MED23: variants seen among roughly 807,000 people sequenced by gnomAD.
The protein encoded by MED23 is mediator complex subunit 23.
Under a neutral mutation model 163.9 loss-of-function variants are expected in MED23, and 105 were observed. That is an observed-to-expected ratio of 0.64 (90% CI 0.55 to 0.75). The LOEUF (loss-of-function observed/expected upper bound fraction) is 0.75, where lower values mean the gene tolerates loss of function less well. MED23 is among the 30% of genes least tolerant of loss of function. The pLI, the probability that MED23 is intolerant of heterozygous loss-of-function variation, is 0.00. For missense variants in MED23, 1,054 were observed against 1,649.0 expected (o/e 0.64, Z 6.25); for synonymous variants, 561 against 565.6 (o/e 0.99, Z 0.12).
At chr6:131,576,621 G>A (rs775853882) in intron 30 of MED23, 2 of 1,554,776 alleles carry the variant, frequency 1.3e-6, no homozygotes, top group African/African-American at 2.7e-5. Flanking sequence ...GCATCTGATG[G>A]TCATGATAAT....
intron 7 of MED23, 142 bp downstream of exon 7, chr6:131,620,486 G>A (rs1425032451): frequency 2.5e-5 from 17 of 670,126 alleles, no homozygotes; most frequent in Non-Finnish European, 4.1e-5. Flanking sequence ...GTTTTGCAGA[G>A]ACAGAGTCTT....
At chr6:131,603,266 A>C in intron 15 of MED23, 62 bp from the exon 16 acceptor site, 1 of 1,512,846 alleles carries the variant, frequency 6.6e-7, no homozygotes, top group East Asian at 2.3e-5. Flanking sequence ...AAGATATTTG[A>C]AGAAAGTCAC....
chr6:131,619,982 T>C (rs1164563149), intron 7 of MED23, 86 bp from the exon 8 acceptor site: 2 of 820,978 alleles, frequency 2.4e-6, no homozygotes, highest in South Asian at 1.4e-5. Flanking sequence ...AACATTTATA[T>C]AAAATGAGAT....
At chr6:131,605,192 C>A (rs1208429646) in intron 14 of MED23, 48 bp downstream of exon 14, 1 of 1,589,760 alleles carries the variant, frequency 6.3e-7, no homozygotes, top group Admixed American at 1.7e-5. Flanking sequence ...TTATACTATA[C>A]TCGTATCAAT....
At chr6:131,591,129 C>T (rs1194932299) in intron 26 of MED23, among the ~76,000 whole-genome samples, 184 bp downstream of exon 26, 9 of 150,366 alleles carry the variant, frequency 6.0e-5, no homozygotes, top group African/African-American at 2.2e-4. Flanking sequence ...TACAGGCACA[C>T]ACCACATGCC....
intron 10 of MED23, chr6:131,615,656 G>C (rs1183701929): frequency 3.4e-6 from 2 of 584,970 alleles, no homozygotes; most frequent in Non-Finnish European, 6.0e-6. Flanking sequence ...AGGTATACTT[G>C]AAACTGGCCT....
intron 28 of MED23, among the ~76,000 whole-genome samples, chr6:131,588,297 TTATC>T (rs1341553553): frequency 6.6e-6 from 1 of 152,228 alleles, no homozygotes; most frequent in Non-Finnish European, 1.5e-5. Context: ...TTTGCAACAT[TTATC>T]TATAAAACTA....
intron 3 of MED23, 88 bp from the exon 4 acceptor site, chr6:131,625,077 A>ACTAT: frequency 7.3e-7 from 1 of 1,377,762 alleles, no homozygotes; most frequent in South Asian, 1.2e-5. Context: ...GTATACCAAT[A>ACTAT]CTATGAAAGA....
chr6:131,622,039 C>T (rs890409368), intron 5 of MED23, 60 bp from the exon 6 acceptor site: 35 of 1,258,878 alleles, frequency 2.8e-5, no homozygotes, highest in African/African-American at 1.0e-4. Flanking sequence ...TTAGCTAAAA[C>T]GTCCGAAGGT....
intron 17 of MED23, among the ~76,000 whole-genome samples, chr6:131,600,872 T>A (rs935892167): frequency 6.6e-6 from 1 of 152,200 alleles, no homozygotes; most frequent in African/African-American, 2.4e-5. Context: ...CTCCAGCACA[T>A]GCACTCAGTG....
chr6:131,580,402 G>A (rs767960449), intron 30 of MED23, among the ~76,000 whole-genome samples: 3 of 152,136 alleles, frequency 2.0e-5, no homozygotes, highest in East Asian at 1.9e-4. Context: ...CTTCCACTTC[G>A]AGAATCTAAA....
At chr6:131,583,187 C>T, downstream of MED23, 3 of 1,604,838 alleles carry the variant, frequency 1.9e-6, no homozygotes, top group Non-Finnish European at 2.6e-6. Flanking sequence ...TGTGTGTGCA[C>T]ACATGTGTGT....
Position 131,577,891 on chromosome 6 carries a change from G to A in MED23, c.4096-3596C>T, listed in dbSNP as rs182374446. On this transcript the variant is annotated intron_variant, in intron 30 of 30. Coordinates refer to the MED23 transcript ENST00000354577. The stretch of plus-strand genomic sequence containing the variant: ...TGCACCCCAACCTGGGCGACAGAGC[G>A]AGACTCCATCTCCAAAAAAAAAAAA... Among the ~76,000 whole-genome samples the A allele has an allele frequency of 3.7e-3, 542 of 145,390 alleles. 4 individuals are homozygous for A. Among genetic ancestry groups the A allele is most frequent in the Middle Eastern group, 0.014 (4 of 286 alleles).
intron 28 of MED23, 118 bp from the exon 29 acceptor site, chr6:131,587,964 G>A (rs1291036570): frequency 2.4e-6 from 2 of 834,734 alleles, no homozygotes; most frequent in South Asian, 1.5e-5. Flanking sequence ...TGGGGTAGAT[G>A]AGAAGTTTCT....
chr6:131,614,036 T>A (rs1776472149), intron 10 of MED23, among the ~76,000 whole-genome samples: 1 of 152,148 alleles, frequency 6.6e-6, no homozygotes, highest in Non-Finnish European at 1.5e-5. Flanking sequence ...AAACATAGCA[T>A]GAAGCATTCT....
chr6:131,594,190 A>C lies in MED23; in HGVS notation c.3141T>G (p.Thr1047=), dbSNP rs1774866628. The part of the protein sequence containing the change: ...NRPQGWCLSD[T]YLKCAMNARE... ...GTGCATTCATAGCGCATTTCAGGTA[A>C]GTGTCACTTAGACACCAGCCCTGCG... The change falls in exon 23 of 29, where the codon ACT becomes ACG. Residue 1047 remains threonine (T), a synonymous_variant. Transcript: ENST00000368068. 1 of 1,614,074 alleles carries C rather than the reference A, an allele frequency of 6.2e-7. No homozygotes were observed.
At chr6:131,615,362 C>T in intron 10 of MED23, 1 of 1,606,438 alleles carries the variant, frequency 6.2e-7, no homozygotes, top group South Asian at 1.1e-5. Flanking sequence ...GGAGGATGGG[C>T]AGGACAAGAC....
downstream of MED23, among the ~76,000 whole-genome samples, chr6:131,585,608 A>G (rs957062113): frequency 1.3e-5 from 2 of 152,222 alleles, no homozygotes; most frequent in Non-Finnish European, 2.9e-5. Flanking sequence ...TCCTAGATAA[A>G]TGTAGCTGCT....
chr6:131,582,987 A>T (rs1585426336), downstream of MED23: 7 of 1,043,070 alleles, frequency 6.7e-6, no homozygotes, highest in African/African-American at 6.5e-5. Context: ...CTATATTTAT[A>T]TTTCCCTTAA....
Sources: allele counts gnomAD v4.1 joint callset (sites outside exome capture counted in the v4.1 genomes callset), GRCh38; gene constraint gnomAD v4.1.1; transcripts MANE v1.5; gene names NCBI Gene and HGNC (gene_info 2026-07-23, HGNC 2026-07-21).